Variants in ARMH4 observed in about 807,000 individuals in gnomAD.
ARMH4 encodes armadillo-like helical domain-containing protein 4.
Under a neutral mutation model 61.9 loss-of-function variants are expected in ARMH4, and 49 were observed. That is an observed-to-expected ratio of 0.79 (90% CI 0.63 to 1.00). The LOEUF (loss-of-function observed/expected upper bound fraction) is 1.00. Ranked by LOEUF, ARMH4 falls within the 50% of genes least tolerant of loss-of-function variation. The probability of loss-of-function intolerance (pLI) is 0.00; values close to 1 mark genes in which losing one functional copy is unlikely to be tolerated. For synonymous variants in ARMH4, 368 were observed against 341.5 expected (o/e 1.08, Z -0.85); for missense variants, 934 against 930.0 (o/e 1.00, Z -0.06).
chr14:58,041,059 T>C (rs763414444), intron 5 of ARMH4, among the ~76,000 whole-genome samples: 2 of 152,194 alleles, frequency 1.3e-5, no homozygotes, highest in East Asian at 1.9e-4. Flanking sequence ...GGGTGATTTC[T>C]GCATTTCCAA....
intron 5 of ARMH4, among the ~76,000 whole-genome samples, chr14:58,031,283 C>T (rs1346985078): frequency 2.0e-5 from 3 of 152,162 alleles, no homozygotes; most frequent in Non-Finnish European, 4.4e-5. Context: ...TTTTCATATA[C>T]TTTTATGAGT....
At chr14:58,025,703 T>C (rs1405367315) in intron 5 of ARMH4, among the ~76,000 whole-genome samples, 1 of 152,220 alleles carries the variant, frequency 6.6e-6, no homozygotes, top group Non-Finnish European at 1.5e-5. Context: ...ATTATCTGCA[T>C]GTTTTTAAAG....
chr14:58,035,884 G>A (rs964517449), intron 5 of ARMH4, among the ~76,000 whole-genome samples: 1 of 141,056 alleles, frequency 7.1e-6, no homozygotes, highest in African/African-American at 2.6e-5. Context: ...CCAATAACGG[G>A]CTCTGAAATT....
intron 5 of ARMH4, 116 bp downstream of exon 5, chr14:58,096,608 A>C: frequency 8.1e-7 from 1 of 1,229,408 alleles, no homozygotes; most frequent in East Asian, 2.6e-5. Flanking sequence ...GAAACCACCC[A>C]TAAACAAAGA....
intron 5 of ARMH4, among the ~76,000 whole-genome samples, chr14:58,027,124 C>G (rs934791357): frequency 6.6e-6 from 1 of 152,226 alleles, no homozygotes; most frequent in African/African-American, 2.4e-5. Flanking sequence ...CCAAGCTGCA[C>G]ACTCAAGAGA....
chr14:58,116,704 C>A (rs193197295), intron 4 of ARMH4, among the ~76,000 whole-genome samples: 54 of 152,204 alleles, frequency 3.5e-4, no homozygotes, highest in African/African-American at 1.3e-3. Flanking sequence ...AAATAATTTT[C>A]TTATTTCATT....
At chr14:58,028,702 G>A (rs1464742797) in intron 5 of ARMH4, among the ~76,000 whole-genome samples, 1 of 152,114 alleles carries the variant, frequency 6.6e-6, no homozygotes, top group Non-Finnish European at 1.5e-5. Context: ...CAGTGCAGGA[G>A]GCCAGTACTC....
At chr14:58,124,086 A>AT (rs1209681100) in intron 4 of ARMH4, among the ~76,000 whole-genome samples, 1 of 152,220 alleles carries the variant, frequency 6.6e-6, no homozygotes, top group Non-Finnish European at 1.5e-5. Flanking sequence ...GTTCCTTGGC[A>AT]TAACAGGTTT....
intron 5 of ARMH4, among the ~76,000 whole-genome samples, chr14:58,026,352 C>T (rs955057898): frequency 6.6e-5 from 10 of 152,012 alleles, no homozygotes; most frequent in South Asian, 4.1e-4. Flanking sequence ...AAAAAAATCA[C>T]TTCTCTTTAC....
At chr14:58,098,225 CTTT>C (rs1885826729) in intron 4 of ARMH4, among the ~76,000 whole-genome samples, 1 of 152,124 alleles carries the variant, frequency 6.6e-6, no homozygotes, top group Non-Finnish European at 1.5e-5. Context: ...CATTCAGAGG[CTTT>C]TTAACTTTTA....
At position 58,138,720 on chromosome 14, in the gene ARMH4, C is replaced by T. The variant is rs768630810; in HGVS notation, c.639G>A (p.Lys213=). ...GHSPSSYVNT[K]EMLTTNPKTE... is the part of the protein sequence containing the mutation. The stretch of plus-strand genomic sequence containing the variant: ...TCTTTGGATTGGTGGTTAGCATTTC[C>T]TTAGTATTCACATAGGATGAAGGTG... Residue 213 remains lysine (K), a synonymous_variant, in exon 2 of 8, where the codon AAG becomes AAA. Coordinates refer to ENST00000267485, the MANE Select transcript of ARMH4 (RefSeq NM_001001872.4). 1.2e-6 allele frequency: 2 copies of T among 1,614,014 alleles called. No homozygotes were observed. Among genetic ancestry groups the T allele is most frequent in the African/African-American group, 1.3e-5 (1 of 74,934 alleles).
At chr14:58,044,614 T>C (rs529775542) in intron 5 of ARMH4, among the ~76,000 whole-genome samples, 36 of 152,136 alleles carry the variant, frequency 2.4e-4, no homozygotes, top group African/African-American at 8.0e-4. Context: ...AATTGACAAA[T>C]GGGATCTAAT....
intron 3 of ARMH4, among the ~76,000 whole-genome samples, chr14:58,132,537 G>A (rs953879322): frequency 3.3e-4 from 49 of 147,932 alleles, no homozygotes; most frequent in African/African-American, 1.2e-3. Context: ...AGGACCCAGA[G>A]GTGAGCCACC....
chr14:58,143,239 G>A (rs2139993538), intron 1 of ARMH4, among the ~76,000 whole-genome samples: 1 of 152,324 alleles, frequency 6.6e-6, no homozygotes, highest in Middle Eastern at 3.4e-3. Context: ...TGGAATGACA[G>A]CACGAGTACA....
At chr14:58,142,913 G>A (rs1475503560) in intron 1 of ARMH4, among the ~76,000 whole-genome samples, 4 of 152,130 alleles carry the variant, frequency 2.6e-5, no homozygotes, top group South Asian at 2.1e-4. Flanking sequence ...CTTTTTCTAC[G>A]TGAGAAAAAA....
intron 5 of ARMH4, among the ~76,000 whole-genome samples, chr14:58,046,309 G>A (rs35496252): frequency 0.012 from 1,884 of 152,248 alleles, 34 homozygotes; most frequent in East Asian, 0.079. Flanking sequence ...CTAATGACCT[G>A]AGTCACCTCT....
intron 2 of ARMH4, 107 bp downstream of exon 2, chr14:58,137,883 G>C: frequency 8.9e-7 from 1 of 1,117,682 alleles, no homozygotes; most frequent in Non-Finnish European, 1.2e-6. Context: ...TGCTGCACCT[G>C]GCCTGCTTTT....
At chr14:58,034,638 T>G (rs1459780225) in intron 5 of ARMH4, among the ~76,000 whole-genome samples, 1 of 43,476 alleles carries the variant, frequency 2.3e-5, no homozygotes, top group African/African-American at 9.4e-5. Context: ...GACCCATCAG[T>G]GTGCTGTATT....
In ARMH4 at chr14:58,039,162, C is replaced by G. The variant is rs148888123; in HGVS notation, c.2090-27012G>C. On this transcript the variant is annotated intron_variant, in intron 5 of 7. Coordinates refer to ENST00000267485, the MANE Select transcript of ARMH4 (RefSeq NM_001001872.4). ...GCTCCAGAACTCACAAGCAGCCTGG[C>G]AAAAACATTCTCAGAACTGAACTAT... Among the ~76,000 whole-genome samples, 5 of 152,312 alleles carry G rather than the reference C, an allele frequency of 3.3e-5. No individual in the cohort carries two copies. The East Asian group carries it at 9.7e-4, about 29-fold the overall frequency.
Sources: allele counts gnomAD v4.1 joint callset (sites outside exome capture counted in the v4.1 genomes callset), GRCh38; gene constraint gnomAD v4.1.1; transcripts MANE v1.5; gene names NCBI Gene and HGNC (gene_info 2026-07-23, HGNC 2026-07-21).